The following ST3GAL3 variants were observed in gnomAD, a reference collection of about 807,000 sequenced individuals.
The protein encoded by ST3GAL3 is ST3 beta-galactoside alpha-2,3-sialyltransferase 3.
In ST3GAL3, 21 loss-of-function variants were observed where a neutral mutation model predicts 50.1. That is an observed-to-expected ratio of 0.42 (90% CI 0.30 to 0.60). The LOEUF (loss-of-function observed/expected upper bound fraction) is 0.60. ST3GAL3 is among the 20% of genes least tolerant of loss of function. The probability of loss-of-function intolerance (pLI) is 0.19; values close to 1 mark genes in which losing one functional copy is unlikely to be tolerated. For missense variants in ST3GAL3, 353 were observed against 489.4 expected (o/e 0.72, Z 2.63); for synonymous variants, 183 against 190.0 (o/e 0.96, Z 0.30).
intron 1 of ST3GAL3, among the ~76,000 whole-genome samples, chr1:43,725,999 TA>T (rs1265401838): frequency 6.6e-6 from 1 of 152,160 alleles, no homozygotes; most frequent in African/African-American, 2.4e-5. Context: ...TCTATACCAT[TA>T]AAAAATTTTT....
intron 5 of ST3GAL3, among the ~76,000 whole-genome samples, chr1:43,856,374 A>C (rs1016954539): frequency 6.6e-6 from 1 of 152,218 alleles, no homozygotes; most frequent in African/African-American, 2.4e-5. Flanking sequence ...GGGTAAGCTA[A>C]CGACTTGCTC....
chr1:43,728,568 G>A (rs1006008161), intron 1 of ST3GAL3, among the ~76,000 whole-genome samples: 6 of 152,192 alleles, frequency 3.9e-5, no homozygotes, highest in African/African-American at 1.4e-4. Context: ...CACATAGCAA[G>A]ACCCTGTTGC....
At chr1:43,793,983 G>A (rs903568885) in intron 3 of ST3GAL3, among the ~76,000 whole-genome samples, 5 of 151,508 alleles carry the variant, frequency 3.3e-5, no homozygotes, top group South Asian at 2.1e-4. Flanking sequence ...TACTCAGGAT[G>A]CTAAGCAGGA....
intron 5 of ST3GAL3, among the ~76,000 whole-genome samples, chr1:43,862,634 G>A (rs1486720615): frequency 2.6e-5 from 4 of 151,724 alleles, no homozygotes; most frequent in Non-Finnish European, 4.4e-5. Flanking sequence ...AGAGCCAGGC[G>A]CAGTGGCTCA....
chr1:43,751,327 T>C (rs1325828263), intron 2 of ST3GAL3, among the ~76,000 whole-genome samples: 1 of 152,224 alleles, frequency 6.6e-6, no homozygotes, highest in African/African-American at 2.4e-5. Context: ...AATATAATAG[T>C]GTGTATTCAA....
rs185394593 is a variant in ST3GAL3 at position 43,709,832 on chromosome 1, C to T, written c.-31+2139C>T. On this transcript the variant is annotated intron_variant, in intron 1 of 11. Transcript: ENST00000347631. ...AGTGCACTCCAGACTGGGCAACAAG[C>T]GTGAAACTCGGTCAAAAAAAAGAAA... Among the ~76,000 whole-genome samples, 486 of 152,034 alleles carry T rather than the reference C, an allele frequency of 3.2e-3. 2 individuals carry two copies. The highest frequency in any genetic ancestry group is 0.011 in the African/African-American group (463 of 41,474).
At chr1:43,898,897 A>G (rs532345607) in intron 7 of ST3GAL3, among the ~76,000 whole-genome samples, 2 of 151,894 alleles carry the variant, frequency 1.3e-5, no homozygotes, top group South Asian at 4.2e-4. Flanking sequence ...CTCCCTCCTC[A>G]CCACCCACGC....
At chr1:43,883,686 T>C (rs944660554) in intron 5 of ST3GAL3, among the ~76,000 whole-genome samples, 1 of 152,182 alleles carries the variant, frequency 6.6e-6, no homozygotes, top group African/African-American at 2.4e-5. Flanking sequence ...AGGGCAGAGT[T>C]ACAAGGGTGC....
chr1:43,900,543 C>T (rs2078125805), intron 9 of ST3GAL3, among the ~76,000 whole-genome samples: 1 of 152,254 alleles, frequency 6.6e-6, no homozygotes, highest in African/African-American at 2.4e-5. Flanking sequence ...CAGCTGTCAC[C>T]AGCAGCCCCA....
intron 3 of ST3GAL3, among the ~76,000 whole-genome samples, chr1:43,809,428 G>A (rs763274287): frequency 2.6e-5 from 4 of 152,218 alleles, no homozygotes; most frequent in Non-Finnish European, 4.4e-5. Context: ...AGGGCTGGGT[G>A]CAATGGCTTA....
intron 5 of ST3GAL3, among the ~76,000 whole-genome samples, chr1:43,870,963 C>T (rs564342205): frequency 2.0e-5 from 3 of 152,236 alleles, no homozygotes; most frequent in Admixed American, 6.5e-5. Context: ...CTCCCAGTAC[C>T]GAGGTAAGGA....
At chr1:43,846,353 CTTA>C (rs879749017) in intron 5 of ST3GAL3, among the ~76,000 whole-genome samples, 31 of 152,068 alleles carry the variant, frequency 2.0e-4, no homozygotes, top group Admixed American at 3.9e-4. Flanking sequence ...GTCCCTTTTT[CTTA>C]TTGATAGTCA....
At chr1:43,801,708 C>G (rs949279281) in intron 3 of ST3GAL3, 1 of 172,996 alleles carries the variant, frequency 5.8e-6, no homozygotes, top group African/African-American at 2.4e-5. Flanking sequence ...AATCCCAGCA[C>G]TTTGGGAGGC....
rs71914132 is a variant in ST3GAL3, at chr1:43,729,089, C to CTTT, written c.-30-7128_-30-7126dup. 2.8e-3 allele frequency among the ~76,000 whole-genome samples: 326 copies of CTTT among 117,436 alleles called. 5 individuals are homozygous for CTTT. Among genetic ancestry groups the CTTT allele is most frequent in the East Asian group, 5.9e-3 (23 of 3,918 alleles). The allele number at this position is 117,436 out of a possible 152,430, so 77.0% of individuals were successfully genotyped here. On this transcript the variant is annotated intron_variant, in intron 1 of 11. Coordinates refer to ENST00000347631, the MANE Select transcript of ST3GAL3 (RefSeq NM_006279.5). Reference sequence around the variant, plus strand: ...ATTTTTTGTAGAGACAATTATTTTTCTTTTTTTTTTTTTTTTTTGAGACAG... The same window carrying CTTT: ...ATTTTTTGTAGAGACAATTATTTTTCTTTTTTTTTTTTTTTTTTTTTGAGACAG...
At chr1:43,718,090 C>G (rs1668306807) in intron 1 of ST3GAL3, among the ~76,000 whole-genome samples, 1 of 150,170 alleles carries the variant, frequency 6.7e-6, no homozygotes, top group Non-Finnish European at 1.5e-5. Context: ...TCAGGCTGGT[C>G]TTGAACTCTT....
intron 2 of ST3GAL3, among the ~76,000 whole-genome samples, chr1:43,744,462 A>G (rs1335839039): frequency 1.3e-5 from 2 of 151,796 alleles, no homozygotes; most frequent in Non-Finnish European, 2.9e-5. Context: ...GCTGGTCTCG[A>G]ACTCCTGACC....
At chr1:43,814,818 G>C in intron 3 of ST3GAL3, 73 bp from the exon 4 acceptor site, 1 of 1,440,316 alleles carries the variant, frequency 6.9e-7, no homozygotes, top group Non-Finnish European at 9.8e-7. Context: ...CTGTGGTCTA[G>C]GTCTGGGGGA....
At chr1:43,880,942 A>C (rs2075011992) in intron 5 of ST3GAL3, among the ~76,000 whole-genome samples, 1 of 152,004 alleles carries the variant, frequency 6.6e-6, no homozygotes, top group South Asian at 2.1e-4. Context: ...GACGTTGATC[A>C]TGTATTTCAT....
At chr1:43,907,842 T>C (rs2080077718) in intron 9 of ST3GAL3, among the ~76,000 whole-genome samples, 1 of 152,230 alleles carries the variant, frequency 6.6e-6, no homozygotes, top group Non-Finnish European at 1.5e-5. Flanking sequence ...CTTTAGCTTA[T>C]GTTCACCTCT....
Sources: gnomAD v4.1 joint callset for allele counts (sites outside exome capture counted in the v4.1 genomes callset) on GRCh38, gnomAD v4.1.1 for gene constraint, MANE v1.5 for transcripts, NCBI Gene and HGNC (gene_info 2026-07-23, HGNC 2026-07-21) for gene names.